The following PDE1C variants were observed in gnomAD, a reference collection of about 807,000 sequenced individuals.
The protein encoded by PDE1C is dual specificity calcium/calmodulin-dependent 3',5'-cyclic nucleotide phosphodiesterase 1C.
PDE1C carries 62 observed loss-of-function variants against 93.1 expected under a neutral mutation model. That is an observed-to-expected ratio of 0.67 (90% confidence interval 0.54 to 0.82). PDE1C has a LOEUF of 0.82. Ranked by LOEUF, PDE1C falls within the 40% of genes least tolerant of loss-of-function variation. The pLI, the probability that PDE1C is intolerant of heterozygous loss-of-function variation, is 0.00. For missense variants in PDE1C, 742 were observed against 884.6 expected, an observed-to-expected ratio of 0.84 and a Z score of 2.04; for synonymous variants, 325 against 310.1, an observed-to-expected ratio of 1.05 and a Z score of -0.50.
At chr7:31,945,215 A>G (rs1032040408) in intron 2 of PDE1C, among the ~76,000 whole-genome samples, 2 of 152,176 alleles carry the variant, frequency 1.3e-5, no homozygotes, top group African/African-American at 2.4e-5. Flanking sequence ...ACTTATTCAT[A>G]TGCTATGATA....
chr7:32,359,342 G>T (rs893628804), intron 1 of PDE1C, among the ~76,000 whole-genome samples: 1 of 152,130 alleles, frequency 6.6e-6, no homozygotes, highest in African/African-American at 2.4e-5. Context: ...TCTGTGTTTA[G>T]TACTTTACTG....
chr7:32,212,461 A>G (rs538314095), intron 1 of PDE1C, among the ~76,000 whole-genome samples: 1 of 152,232 alleles, frequency 6.6e-6, no homozygotes, highest in South Asian at 2.1e-4. Flanking sequence ...TTCCCTACAA[A>G]CATACCCAAT....
chr7:32,090,124 C>G (rs924859528), intron 3 of PDE1C, among the ~76,000 whole-genome samples: 7 of 152,164 alleles, frequency 4.6e-5, no homozygotes, highest in African/African-American at 1.7e-4. Context: ...AAATACTACA[C>G]AGCTGAAAAT....
intron 2 of PDE1C, among the ~76,000 whole-genome samples, chr7:32,032,669 C>G (rs142200879): frequency 0.011 from 1,680 of 152,188 alleles, 21 homozygotes; most frequent in Non-Finnish European, 0.015. Context: ...CATGCCGGGT[C>G]TTATGAAAAT....
chr7:31,753,965 G>T (rs1433395705), intron 17 of PDE1C, among the ~76,000 whole-genome samples: 1 of 152,038 alleles, frequency 6.6e-6, no homozygotes, highest in East Asian at 1.9e-4. Flanking sequence ...ATCCCCAAGG[G>T]ATACTTAAAA....
intron 2 of PDE1C, among the ~76,000 whole-genome samples, chr7:31,995,698 A>C (rs1384216782): frequency 6.6e-6 from 1 of 152,130 alleles, no homozygotes; most frequent in Non-Finnish European, 1.5e-5. Context: ...CAAAGAACCT[A>C]GAAGAGTTTT....
intron 1 of PDE1C, among the ~76,000 whole-genome samples, chr7:32,222,560 TTATCTTC>T (rs930024688): frequency 3.9e-5 from 6 of 152,342 alleles, no homozygotes; most frequent in African/African-American, 1.2e-4. Flanking sequence ...GCTTGGCATC[TTATCTTC>T]TAAGCCAGTT....
At chr7:32,013,446 G>T (rs1224776648) in intron 2 of PDE1C, among the ~76,000 whole-genome samples, 2 of 152,162 alleles carry the variant, frequency 1.3e-5, no homozygotes, top group South Asian at 4.1e-4. Context: ...AAGGAGACAG[G>T]GTTATTTATA....
intron 14 of PDE1C, among the ~76,000 whole-genome samples, chr7:31,817,647 A>G: frequency 6.6e-6 from 1 of 152,174 alleles, no homozygotes; most frequent in East Asian, 1.9e-4. Context: ...GTGTTTTAAA[A>G]TGCTCCACAC....
At chr7:32,362,226 G>A (rs1337119402) in intron 1 of PDE1C, among the ~76,000 whole-genome samples, 2 of 152,166 alleles carry the variant, frequency 1.3e-5, no homozygotes, top group Non-Finnish European at 2.9e-5. Context: ...TGTGTGCATG[G>A]ATGGAGTGTG....
chr7:32,384,924 A>G (rs1273896703), intron 1 of PDE1C, among the ~76,000 whole-genome samples: 2 of 152,156 alleles, frequency 1.3e-5, no homozygotes, highest in Non-Finnish European at 2.9e-5. Flanking sequence ...TTGAGTACTG[A>G]GATTTTAAAG....
chr7:31,965,482 T>C (rs987770192), intron 2 of PDE1C, among the ~76,000 whole-genome samples: 4 of 152,166 alleles, frequency 2.6e-5, no homozygotes, highest in South Asian at 2.1e-4. Flanking sequence ...CTACATCTGA[T>C]TGGTGTACCT....
the PDE1C span, among the ~76,000 whole-genome samples, chr7:31,710,132 G>C: frequency 6.6e-6 from 1 of 152,178 alleles, no homozygotes; most frequent in African/African-American, 2.4e-5. Context: ...CTGGGCTACA[G>C]AGTGAGTCTC....
At chr7:32,163,305 T>C (rs1339792976) in intron 3 of PDE1C, among the ~76,000 whole-genome samples, 1 of 152,140 alleles carries the variant, frequency 6.6e-6, no homozygotes, top group African/African-American at 2.4e-5. Flanking sequence ...AGACTGCACA[T>C]TTCCTGAAAG....
intron 1 of PDE1C, among the ~76,000 whole-genome samples, chr7:32,061,893 C>G (rs989685040): frequency 1.3e-5 from 2 of 152,208 alleles, no homozygotes; most frequent in Non-Finnish European, 2.9e-5. Flanking sequence ...AGGGGTCACA[C>G]TAAACTGTAT....
At chr7:31,966,103 T>G (rs899705755) in intron 2 of PDE1C, among the ~76,000 whole-genome samples, 2 of 152,128 alleles carry the variant, frequency 1.3e-5, no homozygotes, top group African/African-American at 4.8e-5. Flanking sequence ...AATTCACACG[T>G]AAGAATACTA....
rs549544828 is a variant in PDE1C at position 32,401,101 on chromosome 7, G to A, written c.310+26721C>T. 2.6e-5 allele frequency among the ~76,000 whole-genome samples: 4 copies of A among 152,210 alleles called. No homozygotes were observed. The East Asian group carries it at 5.8e-4, about 22-fold the overall frequency. On this transcript the variant is annotated intron_variant, in intron 1 of 1. Coordinates refer to the PDE1C transcript ENST00000672256. ...GTTATCTAAAATAGTGGTCTCAAAA[G>A]TGTTTTGATTGTACAACTGAACAAG...
intron 1 of PDE1C, among the ~76,000 whole-genome samples, chr7:32,231,754 A>G (rs955943582): frequency 6.6e-6 from 1 of 152,226 alleles, no homozygotes; most frequent in Admixed American, 6.5e-5. Flanking sequence ...TGAATGTAAC[A>G]ATGTATTCTT....
At chr7:32,190,025 A>G (rs1428844875) in intron 2 of PDE1C, among the ~76,000 whole-genome samples, 3 of 152,204 alleles carry the variant, frequency 2.0e-5, no homozygotes, top group Non-Finnish European at 4.4e-5. Context: ...ACCTGCTTCA[A>G]TTACATCATG....
Sources: gnomAD v4.1 joint callset for allele counts (sites outside exome capture counted in the v4.1 genomes callset) on GRCh38, gnomAD v4.1.1 for gene constraint, MANE v1.5 for transcripts, NCBI Gene and HGNC (gene_info 2026-07-23, HGNC 2026-07-21) for gene names.